NOX4: variants seen among roughly 807,000 people sequenced by gnomAD.
NOX4 encodes the protein kidney oxidase-1.
Under a neutral mutation model 87.6 loss-of-function variants are expected in NOX4, and 69 were observed. The observed-to-expected ratio is 0.79, with a 90% CI of 0.65 to 0.96. NOX4 has a LOEUF of 0.96. Among genes scored for constraint, NOX4 ranks in the 40% least tolerant of loss-of-function variants. The pLI is 0.00. For missense variants in NOX4, 680 were observed against 681.5 expected (o/e 1.00, Z 0.02); for synonymous variants, 275 against 238.2 (o/e 1.15, Z -1.42).
intron 4 of NOX4, among the ~76,000 whole-genome samples, chr11:89,444,569 A>T (rs1343139477): frequency 6.6e-6 from 1 of 151,690 alleles, no homozygotes; most frequent in African/African-American, 2.4e-5. Flanking sequence ...GCATCTAATG[A>T]TATGAGTATT....
At chr11:89,348,431 A>C (rs11018587) in intron 13 of NOX4, among the ~76,000 whole-genome samples, 3,095 of 150,746 alleles carry the variant, frequency 0.021, 112 homozygotes, top group African/African-American at 0.072. Flanking sequence ...ACAAAAAAAA[A>C]CCTATGTCTC....
chr11:89,455,700 G>T (rs1945162874), intron 2 of NOX4, among the ~76,000 whole-genome samples: 1 of 141,258 alleles, frequency 7.1e-6, no homozygotes, highest in African/African-American at 2.8e-5. Context: ...ACTCCCCACT[G>T]TTATCAAGAA....
intron 12 of NOX4, among the ~76,000 whole-genome samples, chr11:89,363,831 T>C (rs533360098): frequency 2.8e-4 from 42 of 152,252 alleles, no homozygotes; most frequent in African/African-American, 9.9e-4. Flanking sequence ...TGGTAATGCA[T>C]AGTAATACAT....
intron 2 of NOX4, among the ~76,000 whole-genome samples, chr11:89,476,144 T>C (rs1011468543): frequency 7.9e-5 from 12 of 152,000 alleles, no homozygotes; most frequent in Admixed American, 5.9e-4. Context: ...TTAGGGTGAG[T>C]TGTTTTCTAC....
chr11:89,361,723 C>A (rs926912881), intron 12 of NOX4, among the ~76,000 whole-genome samples: 1 of 152,178 alleles, frequency 6.6e-6, no homozygotes, highest in East Asian at 1.9e-4. Context: ...CTGGTTTATT[C>A]CTGCTGTCCT....
Position 89,402,358 on chromosome 11 carries a change from C to T in NOX4, c.814G>A (p.Glu272Lys). The change falls in exon 9 of 18, where the codon GAA becomes AAA. Residue 272 changes from glutamate (E) to lysine (K), a missense_variant. By Grantham distance (56) the Glu-to-Lys change is moderately conservative. Coordinates refer to ENST00000263317, the MANE Select transcript of NOX4 (RefSeq NM_016931.5). ...AAATTAGCTTGGAATCTGGGCTCTT[C>T]CATACAAATCTTCACAAATTTGTGC... ...TQHKFVKICM[E>K]EPRFQANFPQ... 1 of 1,613,134 alleles carries T rather than the reference C, an allele frequency of 6.2e-7. No homozygotes were observed. The highest frequency in any genetic ancestry group is 8.5e-7 in the Non-Finnish European group (1 of 1,179,610).
intron 2 of NOX4, among the ~76,000 whole-genome samples, chr11:89,478,614 A>C (rs2135463633): frequency 6.6e-6 from 1 of 152,272 alleles, no homozygotes. Context: ...TAACGAATTA[A>C]CTTTCATATA....
At chr11:89,461,415 C>A (rs1374355988) in intron 2 of NOX4, among the ~76,000 whole-genome samples, 4 of 151,864 alleles carry the variant, frequency 2.6e-5, no homozygotes, top group Non-Finnish European at 1.5e-5. Flanking sequence ...GAGGCTAAGG[C>A]TGGCGGATCA....
chr11:89,544,068 A>G, the NOX4 span, among the ~76,000 whole-genome samples: 1 of 152,118 alleles, frequency 6.6e-6, no homozygotes, highest in African/African-American at 2.4e-5. Flanking sequence ...CCATTTTTCT[A>G]ATACTGTAGA....
chr11:89,348,264 A>C (rs1946302753), intron 13 of NOX4, among the ~76,000 whole-genome samples: 1 of 151,912 alleles, frequency 6.6e-6, no homozygotes, highest in East Asian at 1.9e-4. Flanking sequence ...AAAACGCAAA[A>C]ATTAGCTGGG....
At chr11:89,396,092 G>A (rs1565234842) in intron 11 of NOX4, among the ~76,000 whole-genome samples, 2 of 152,112 alleles carry the variant, frequency 1.3e-5, no homozygotes, top group Non-Finnish European at 2.9e-5. Flanking sequence ...AATTACCATG[G>A]GAAGTGTGGC....
At chr11:89,376,165 T>C (rs1252629859) in intron 11 of NOX4, among the ~76,000 whole-genome samples, 2 of 152,180 alleles carry the variant, frequency 1.3e-5, no homozygotes, top group East Asian at 3.9e-4. Flanking sequence ...AAATATTGTT[T>C]CTCTCAACCT....
At chr11:89,438,628 T>A (rs1483011553) in intron 6 of NOX4, among the ~76,000 whole-genome samples, 1 of 84,890 alleles carries the variant, frequency 1.2e-5, no homozygotes, top group Admixed American at 2.2e-4. Flanking sequence ...GTATATATTA[T>A]ATACTATATA....
chr11:89,400,626 A>G (rs1941782357), intron 9 of NOX4, among the ~76,000 whole-genome samples: 2 of 152,170 alleles, frequency 1.3e-5, no homozygotes, highest in East Asian at 1.9e-4. Context: ...GTAACTATCC[A>G]TGAGCAAACA....
At chr11:89,436,227 C>T (rs561499356) in intron 6 of NOX4, among the ~76,000 whole-genome samples, 22 of 152,158 alleles carry the variant, frequency 1.4e-4, no homozygotes, top group African/African-American at 4.8e-4. Context: ...TTGCAACACA[C>T]GGCATTAAGT....
intron 6 of NOX4, among the ~76,000 whole-genome samples, chr11:89,438,828 T>C (rs1944275877): frequency 2.2e-5 from 1 of 45,570 alleles, no homozygotes; most frequent in Admixed American, 4.2e-4. Flanking sequence ...TTATATAATA[T>C]CTTATATATT....
chr11:89,490,972 T>C (rs1946829225), intron 1 of NOX4: 1 of 679,746 alleles, frequency 1.5e-6, no homozygotes, highest in African/African-American at 1.8e-5. Context: ...ATCTCTCCCA[T>C]CAATGTGCAG....
the NOX4 span, among the ~76,000 whole-genome samples, chr11:89,574,883 T>G: frequency 6.6e-6 from 1 of 152,176 alleles, no homozygotes; most frequent in Non-Finnish European, 1.5e-5. Flanking sequence ...CAAGGCGTCA[T>G]TAAAGATATT....
At chr11:89,371,655 C>T (rs2135052175) in intron 12 of NOX4, among the ~76,000 whole-genome samples, 1 of 151,812 alleles carries the variant, frequency 6.6e-6, no homozygotes, top group Non-Finnish European at 1.5e-5. Flanking sequence ...AAAGAACTTT[C>T]CTTATTTTTT....
Sources: gnomAD v4.1 joint callset for allele counts (sites outside exome capture counted in the v4.1 genomes callset) on GRCh38, gnomAD v4.1.1 for gene constraint, MANE v1.5 for transcripts, NCBI Gene and HGNC (gene_info 2026-07-23, HGNC 2026-07-21) for gene names.